Variants in RBFOX1 observed in about 807,000 individuals in gnomAD.
RBFOX1 encodes RNA binding protein fox-1 homolog 1.
Under a neutral mutation model 57.7 loss-of-function variants are expected in RBFOX1, and 8 were observed. The observed-to-expected ratio is 0.14, with a 90% CI of 0.08 to 0.25. RBFOX1 has a LOEUF of 0.25. Ranked by LOEUF, RBFOX1 falls within the 10% of genes least tolerant of loss-of-function variation. RBFOX1 has a pLI of 1.00. For synonymous variants in RBFOX1, 326 were observed against 222.4 expected, an observed-to-expected ratio of 1.47 and a Z score of -4.15; for missense variants, 611 against 548.5, an observed-to-expected ratio of 1.11 and a Z score of -1.14.
At chr16:6,190,304 A>C (rs1014884831) in intron 1 of RBFOX1, among the ~76,000 whole-genome samples, 2 of 152,224 alleles carry the variant, frequency 1.3e-5, no homozygotes, top group Non-Finnish European at 2.9e-5. Flanking sequence ...CCAAACCAAC[A>C]CTAAGTAGTA....
At chr16:6,205,155 C>T (rs1188335192) in intron 1 of RBFOX1, among the ~76,000 whole-genome samples, 1 of 152,122 alleles carries the variant, frequency 6.6e-6, no homozygotes, top group Non-Finnish European at 1.5e-5. Flanking sequence ...AGTGTGCTAG[C>T]AATTTGTCTA....
chr16:5,567,448 T>C (rs1304443610), intron 2 of RBFOX1, among the ~76,000 whole-genome samples: 1 of 152,080 alleles, frequency 6.6e-6, no homozygotes, highest in African/African-American at 2.4e-5. Context: ...CCGTATAATC[T>C]CCACTTTACA....
At chr16:6,828,592 C>G (rs1023460312) in intron 3 of RBFOX1, among the ~76,000 whole-genome samples, 4 of 151,704 alleles carry the variant, frequency 2.6e-5, no homozygotes, top group Admixed American at 1.3e-4. Context: ...CCTGAAAAAC[C>G]GGGCATGGAC....
At chr16:7,298,994 T>C (rs1297298314) in intron 4 of RBFOX1, among the ~76,000 whole-genome samples, 1 of 152,170 alleles carries the variant, frequency 6.6e-6, no homozygotes, top group African/African-American at 2.4e-5. Flanking sequence ...AATGGTGGAG[T>C]GAATATCCTG....
intron 4 of RBFOX1, among the ~76,000 whole-genome samples, chr16:7,313,756 A>T (rs2096374960): frequency 6.6e-6 from 1 of 152,154 alleles, no homozygotes. Flanking sequence ...TCATTTTTAG[A>T]TGCAGAATCC....
intron 2 of RBFOX1, among the ~76,000 whole-genome samples, chr16:5,523,760 T>C (rs1415560135): frequency 6.6e-6 from 1 of 152,246 alleles, no homozygotes; most frequent in East Asian, 1.9e-4. Context: ...ATGTCTATAC[T>C]CTTTTTCATA....
At chr16:5,472,434 C>T (rs137960580) in intron 2 of RBFOX1, among the ~76,000 whole-genome samples, 43 of 152,268 alleles carry the variant, frequency 2.8e-4, no homozygotes, top group Middle Eastern at 3.4e-3. Context: ...GGCGAATAAC[C>T]TTCCCAGGCT....
At chr16:5,557,524 G>C (rs889654554) in intron 2 of RBFOX1, among the ~76,000 whole-genome samples, 1 of 152,148 alleles carries the variant, frequency 6.6e-6, no homozygotes, top group Non-Finnish European at 1.5e-5. Flanking sequence ...AGGGGTGACT[G>C]TGATGGGGAG....
chr16:7,595,754 T>G, intron 8 of RBFOX1, 113 bp downstream of exon 8: 1 of 477,600 alleles, frequency 2.1e-6, no homozygotes, highest in East Asian at 5.9e-5. Context: ...TTCCCCCTCA[T>G]TGTTTATATA....
At chr16:7,146,239 G>T (rs2074953427) in intron 4 of RBFOX1, among the ~76,000 whole-genome samples, 1 of 152,050 alleles carries the variant, frequency 6.6e-6, no homozygotes, top group Non-Finnish European at 1.5e-5. Context: ...TCCATATGCA[G>T]GAACAGCAGA....
intron 2 of RBFOX1, among the ~76,000 whole-genome samples, chr16:6,443,319 C>T (rs1422881674): frequency 6.6e-6 from 1 of 152,144 alleles, no homozygotes; most frequent in Admixed American, 6.5e-5. Flanking sequence ...CCTACTACTA[C>T]AAGCAAAGCA....
intron 3 of RBFOX1, among the ~76,000 whole-genome samples, chr16:6,750,406 C>A (rs570875466): frequency 6.6e-6 from 1 of 152,274 alleles, no homozygotes; most frequent in East Asian, 1.9e-4. Context: ...GCAGCAGAAG[C>A]TGAAACCAGG....
intron 3 of RBFOX1, among the ~76,000 whole-genome samples, chr16:6,783,105 T>C (rs1225030123): frequency 3.3e-5 from 5 of 152,082 alleles, no homozygotes. Context: ...TGTTCTTTCA[T>C]TTTCAGTCTG....
intron 4 of RBFOX1, among the ~76,000 whole-genome samples, chr16:7,402,439 A>C (rs1358839649): frequency 1.3e-5 from 2 of 152,210 alleles, no homozygotes; most frequent in Non-Finnish European, 2.9e-5. Context: ...AAAATTTCAC[A>C]AATAATAGTA....
At chr16:6,656,942 C>CTCTCCTCTCCT (rs2098660149) in intron 3 of RBFOX1, among the ~76,000 whole-genome samples, 1 of 62,926 alleles carries the variant, frequency 1.6e-5, no homozygotes, top group African/African-American at 6.2e-5. Context: ...CCTCTCCTCC[C>CTCTCCTCTCCT]CTTTCCTCTC....
intron 2 of RBFOX1, among the ~76,000 whole-genome samples, chr16:5,553,924 A>G (rs114081463): frequency 0.048 from 7,339 of 151,886 alleles, 195 homozygotes; most frequent in East Asian, 0.1. Context: ...ATTGGCAAAC[A>G]ACAGACATGT....
chr16:7,419,749 T>A (rs1597994261), intron 4 of RBFOX1, among the ~76,000 whole-genome samples: 2 of 152,280 alleles, frequency 1.3e-5, no homozygotes, highest in East Asian at 1.9e-4. Context: ...GACTGTTAAT[T>A]TTCCGTGGCA....
chr16:7,697,516 CATGCATGTATATGTATA>C (rs1178981970), intron 14 of RBFOX1, among the ~76,000 whole-genome samples: 1 of 21,126 alleles, frequency 4.7e-5, no homozygotes, highest in Non-Finnish European at 1.2e-4. Flanking sequence ...GATATACATA[CATGCATGTATATGTATA>C]ATGCATGCAT....
At chr16:7,345,756 C>T (rs146799192) in intron 4 of RBFOX1, among the ~76,000 whole-genome samples, 2 of 152,132 alleles carry the variant, frequency 1.3e-5, no homozygotes, top group African/African-American at 4.8e-5. Flanking sequence ...TCTGTCCAAA[C>T]AGTTGTGGGA....
Sources: gnomAD v4.1 joint callset for allele counts (sites outside exome capture counted in the v4.1 genomes callset) on GRCh38, gnomAD v4.1.1 for gene constraint, MANE v1.5 for transcripts, NCBI Gene and HGNC (gene_info 2026-07-23, HGNC 2026-07-21) for gene names.